The following BRINP1 variants were observed in gnomAD, a reference collection of about 807,000 sequenced individuals.
BRINP1 encodes the protein BMP/retinoic acid inducible neural specific 1, also known as BMP/retinoic acid-inducible neural-specific protein 1.
A neutral mutation model predicts 72.9 loss-of-function variants in BRINP1; 17 were observed. That is an observed-to-expected ratio of 0.23 (90% confidence interval 0.16 to 0.35). The LOEUF (loss-of-function observed/expected upper bound fraction) is 0.35, where lower values mean the gene tolerates loss of function less well. Ranked by LOEUF, BRINP1 falls within the 10% of genes least tolerant of loss-of-function variation. BRINP1 has a pLI of 1.00. For synonymous variants in BRINP1, 418 were observed against 378.5 expected, an observed-to-expected ratio of 1.10 and a Z score of -1.21; for missense variants, 850 against 1,001.6, an observed-to-expected ratio of 0.85 and a Z score of 2.04.
chr9:119,207,316 A>G (rs937635298), intron 7 of BRINP1, among the ~76,000 whole-genome samples: 1 of 152,222 alleles, frequency 6.6e-6, no homozygotes, highest in African/African-American at 2.4e-5. Context: ...ACTAGTTAGG[A>G]AGATAAGATT....
At chr9:119,295,965 A>C (rs997929160) in intron 2 of BRINP1, among the ~76,000 whole-genome samples, 1 of 152,222 alleles carries the variant, frequency 6.6e-6, no homozygotes, top group African/African-American at 2.4e-5. Context: ...AACCTTCTTA[A>C]CATTGGTCTG....
Position 119,229,668 on chromosome 9 carries a change from C to CA in BRINP1, c.685+8986dup, listed in dbSNP as rs112714847. On this transcript the variant is annotated intron_variant, in intron 5 of 7. Transcript: ENST00000265922. ...GAAGATGTAACATCCAAAGCAATAG[C>CA]AAAAACACATGCCCTTTTGAAGAAT... 9.5e-3 allele frequency among the ~76,000 whole-genome samples: 1,445 copies of CA among 152,174 alleles called. 23 individuals carry two copies. Among genetic ancestry groups the CA allele is most frequent in the African/African-American group, 0.032 (1,323 of 41,528 alleles).
intron 2 of BRINP1, among the ~76,000 whole-genome samples, chr9:119,307,835 A>C (rs944317797): frequency 1.3e-5 from 2 of 152,186 alleles, no homozygotes; most frequent in African/African-American, 4.8e-5. Flanking sequence ...TGCGGTAAGA[A>C]GTCCTGTGTA....
chr9:119,333,822 A>C (rs1316963589), intron 1 of BRINP1, among the ~76,000 whole-genome samples: 1 of 152,206 alleles, frequency 6.6e-6, no homozygotes, highest in East Asian at 1.9e-4. Flanking sequence ...AAGAAAAAAA[A>C]TATATATTGC....
chr9:119,304,680 T>C (rs1372834208), intron 2 of BRINP1, among the ~76,000 whole-genome samples: 6 of 152,258 alleles, frequency 3.9e-5, no homozygotes, highest in East Asian at 1.9e-4. Flanking sequence ...GAAAATGGAA[T>C]TGGAGTCTGT....
intron 7 of BRINP1, among the ~76,000 whole-genome samples, chr9:119,207,335 T>C (rs937173748): frequency 3.3e-5 from 5 of 152,252 alleles, no homozygotes; most frequent in African/African-American, 9.6e-5. Context: ...TTTTGATTTA[T>C]AGATTTATTA....
chr9:119,282,901 A>C (rs2118964376), intron 2 of BRINP1: 1 of 985,418 alleles, frequency 1.0e-6, no homozygotes, highest in South Asian at 4.7e-5. Flanking sequence ...CGCAAACACA[A>C]AAGCTCTATG....
chr9:119,358,650 C>A (rs1831596857), intron 1 of BRINP1, among the ~76,000 whole-genome samples: 1 of 152,102 alleles, frequency 6.6e-6, no homozygotes, highest in Admixed American at 6.5e-5. Context: ...GCTGGGATCA[C>A]ACCACTGCAC....
At chr9:119,190,544 T>A (rs1829673230) in intron 7 of BRINP1, among the ~76,000 whole-genome samples, 1 of 151,830 alleles carries the variant, frequency 6.6e-6, no homozygotes, top group African/African-American at 2.4e-5. Context: ...ACAAATTGGA[T>A]AACCTGGAGG....
chr9:119,260,388 A>G lies in BRINP1; in HGVS notation c.219-11238T>C, dbSNP rs568873813. 4.6e-5 allele frequency among the ~76,000 whole-genome samples: 7 copies of G among 152,288 alleles called. No individual in the cohort carries two copies. In the South Asian group the frequency reaches 6.2e-4, roughly 14 times the overall value. On this transcript the variant is annotated intron_variant, in intron 2 of 7. Transcript: ENST00000265922. ...CCAGAAGGCCCACAAAGTCTAAAAT[A>G]TTTACTGTCTGACCCTTTATAGACA...
At chr9:119,313,433 A>AG (rs1831090205) in intron 1 of BRINP1, 28 bp from the exon 2 acceptor site, 1 of 1,497,786 alleles carries the variant, frequency 6.7e-7, no homozygotes, top group Non-Finnish European at 8.9e-7. Flanking sequence ...AAAAAGAGAG[A>AG]GAAAAAAAGA....
intron 6 of BRINP1, among the ~76,000 whole-genome samples, chr9:119,213,180 A>G (rs559253279): frequency 6.6e-6 from 1 of 152,258 alleles, no homozygotes; most frequent in South Asian, 2.1e-4. Context: ...ATTGACCCCC[A>G]ACTCTACATC....
intron 7 of BRINP1, among the ~76,000 whole-genome samples, chr9:119,176,383 G>C (rs1026246459): frequency 6.6e-6 from 1 of 152,168 alleles, no homozygotes; most frequent in African/African-American, 2.4e-5. Flanking sequence ...CTCTGTGGTA[G>C]GAAGTGTTAA....
chr9:119,345,335 G>GA (rs981291846), intron 1 of BRINP1, among the ~76,000 whole-genome samples: 5 of 151,238 alleles, frequency 3.3e-5, no homozygotes, highest in Non-Finnish European at 5.9e-5. Context: ...TTTCTTGGGA[G>GA]AAAAAAAAAT....
At chr9:119,271,645 T>C (rs1830606089) in intron 2 of BRINP1, among the ~76,000 whole-genome samples, 1 of 151,918 alleles carries the variant, frequency 6.6e-6, no homozygotes, top group Admixed American at 6.6e-5. Flanking sequence ...TTCATTCTTT[T>C]TGGAAAAAAG....
chr9:119,256,018 T>C (rs1447709176), intron 2 of BRINP1, among the ~76,000 whole-genome samples: 2 of 146,724 alleles, frequency 1.4e-5, no homozygotes, highest in Non-Finnish European at 3.0e-5. Flanking sequence ...TCTGTGCTCT[T>C]GGGACGGTGT....
intron 7 of BRINP1, among the ~76,000 whole-genome samples, chr9:119,185,326 T>C (rs560295741): frequency 8.5e-5 from 13 of 152,216 alleles, no homozygotes; most frequent in African/African-American, 3.1e-4. Context: ...AACAACAAAA[T>C]ATGCACCTAG....
chr9:119,304,510 G>A (rs963488282), intron 2 of BRINP1, among the ~76,000 whole-genome samples: 1 of 152,236 alleles, frequency 6.6e-6, no homozygotes, highest in Non-Finnish European at 1.5e-5. Context: ...CATAGCTAAT[G>A]AGACCCAGTA....
At chr9:119,238,536 T>G in intron 5 of BRINP1, 119 bp downstream of exon 5, 1 of 596,172 alleles carries the variant, frequency 1.7e-6, no homozygotes, top group South Asian at 2.6e-5. Context: ...TTTCATTAGA[T>G]TTTCTATGCT....
Sources: gnomAD v4.1 joint callset for allele counts (sites outside exome capture counted in the v4.1 genomes callset) on GRCh38, gnomAD v4.1.1 for gene constraint, MANE v1.5 for transcripts, NCBI Gene and HGNC (gene_info 2026-07-23, HGNC 2026-07-21) for gene names.